PRR16: variants seen among roughly 807,000 people sequenced by gnomAD.
PRR16 encodes proline rich 16.
Under a neutral mutation model 18.2 loss-of-function variants are expected in PRR16, and 6 were observed. The observed-to-expected ratio is 0.33, with a 90% confidence interval of 0.18 to 0.65. The LOEUF (loss-of-function observed/expected upper bound fraction) is 0.65. PRR16 is among the 30% of genes least tolerant of loss of function. The pLI is 0.74. For synonymous variants in PRR16, 151 were observed against 147.8 expected, an observed-to-expected ratio of 1.02 and a Z score of -0.16; for missense variants, 412 against 376.6, an observed-to-expected ratio of 1.09 and a Z score of -0.78.
intron 1 of PRR16, among the ~76,000 whole-genome samples, chr5:120,607,928 A>T (rs755105331): frequency 3.3e-5 from 5 of 152,124 alleles, no homozygotes; most frequent in African/African-American, 4.8e-5. Flanking sequence ...CAAACCTTGT[A>T]TGTAGAGTTC....
intron 1 of PRR16, among the ~76,000 whole-genome samples, chr5:120,508,347 G>A (rs139406633): frequency 1.3e-5 from 2 of 152,218 alleles, no homozygotes; most frequent in East Asian, 3.9e-4. Context: ...AAAACTCTGT[G>A]TGCTGAAAAC....
the PRR16 span, among the ~76,000 whole-genome samples, chr5:120,764,952 T>A: frequency 6.6e-6 from 1 of 151,994 alleles, no homozygotes; most frequent in Non-Finnish European, 1.5e-5. Flanking sequence ...TGTTGATCAT[T>A]TCTCCTTTTT....
intron 1 of PRR16, among the ~76,000 whole-genome samples, chr5:120,594,604 C>A (rs1753742039): frequency 6.6e-6 from 1 of 152,016 alleles, no homozygotes; most frequent in African/African-American, 2.4e-5. Context: ...TAGAAAAAAA[C>A]TATTTTAAAA....
At chr5:120,500,070 T>C (rs1198530499) in intron 1 of PRR16, among the ~76,000 whole-genome samples, 7 of 152,190 alleles carry the variant, frequency 4.6e-5, no homozygotes, top group African/African-American at 7.2e-5. Context: ...GGTGCTTCTT[T>C]ACAGTTTCTT....
chr5:120,621,962 G>A (rs1307705705), intron 1 of PRR16, among the ~76,000 whole-genome samples: 2 of 152,102 alleles, frequency 1.3e-5, no homozygotes, highest in African/African-American at 2.4e-5. Context: ...TATTATTTCA[G>A]TTCCATTTCA....
intron 1 of PRR16, among the ~76,000 whole-genome samples, chr5:120,484,507 T>C (rs908663230): frequency 6.9e-6 from 1 of 145,320 alleles, no homozygotes; most frequent in African/African-American, 2.5e-5. Context: ...TATATAATTA[T>C]ATATTGTATA....
rs549883869 is a variant in PRR16 at position 120,594,461 on chromosome 5, G to A, written c.160-91493G>A. Reference sequence around the variant, plus strand: ...CTGCTGAAAAGAAATCAGAGATGTTGCAAACAAATAGAAAAACATCTGATG... The same window carrying A: ...CTGCTGAAAAGAAATCAGAGATGTTACAAACAAATAGAAAAACATCTGATG... On this transcript the variant is annotated intron_variant, in intron 1 of 1. Coordinates refer to ENST00000407149, the MANE Select transcript of PRR16 (RefSeq NM_001300783.2). 3.9e-5 allele frequency among the ~76,000 whole-genome samples: 6 copies of A among 152,082 alleles called. No individual in the cohort carries two copies. The East Asian group carries it at 1.2e-3, about 29-fold the overall frequency.
At chr5:120,723,068 AATC>A in the PRR16 span, among the ~76,000 whole-genome samples, 1 of 151,912 alleles carries the variant, frequency 6.6e-6, no homozygotes, top group African/African-American at 2.4e-5. Flanking sequence ...ACAATTTAAT[AATC>A]TATATAAATC....
the PRR16 span, among the ~76,000 whole-genome samples, chr5:120,732,926 A>C: frequency 6.6e-6 from 1 of 152,186 alleles, no homozygotes; most frequent in South Asian, 2.1e-4. Context: ...AAGAGATGAC[A>C]TGTCTGTTAG....
the PRR16 span, among the ~76,000 whole-genome samples, chr5:120,775,209 A>G: frequency 4.8e-3 from 727 of 150,710 alleles, 10 homozygotes; most frequent in African/African-American, 0.016. Flanking sequence ...TATATTACAT[A>G]TTATTTGTGA....
At chr5:120,606,455 A>C (rs1754157096) in intron 1 of PRR16, among the ~76,000 whole-genome samples, 1 of 152,144 alleles carries the variant, frequency 6.6e-6, no homozygotes, top group Non-Finnish European at 1.5e-5. Flanking sequence ...TTGACTTTTA[A>C]ATATATTTCT....
chr5:120,702,580 G>A, the PRR16 span, among the ~76,000 whole-genome samples: 1 of 152,158 alleles, frequency 6.6e-6, no homozygotes, highest in African/African-American at 2.4e-5. Context: ...AAACATGGGT[G>A]AATAATCAGA....
chr5:120,605,244 C>CA (rs1754117624), intron 1 of PRR16, among the ~76,000 whole-genome samples: 1 of 152,076 alleles, frequency 6.6e-6, no homozygotes, highest in Non-Finnish European at 1.5e-5. Context: ...TTGTTCATTT[C>CA]AAAAAATTTT....
At chr5:120,593,947 C>T (rs1010686003) in intron 1 of PRR16, among the ~76,000 whole-genome samples, 2 of 152,008 alleles carry the variant, frequency 1.3e-5, no homozygotes, top group African/African-American at 4.8e-5. Context: ...TGATAAAATA[C>T]AACATCTTTT....
At chr5:120,617,004 C>A in intron 1 of PRR16, 1 of 505,762 alleles carries the variant, frequency 2.0e-6, no homozygotes, top group Non-Finnish European at 2.6e-6. Flanking sequence ...CCCATCCATT[C>A]ATAACCTCCT....
the PRR16 span, among the ~76,000 whole-genome samples, chr5:120,717,974 C>A: frequency 3.3e-5 from 5 of 152,142 alleles, 1 homozygote; most frequent in South Asian, 1.0e-3. Context: ...CTGCTTTTTT[C>A]CCTCCTCAAT....
chr5:120,710,803 A>G, the PRR16 span: 1 of 152,240 alleles, frequency 6.6e-6, no homozygotes, highest in Non-Finnish European at 1.5e-5. Flanking sequence ...TACCTTGGAT[A>G]AACCTCAGTG....
chr5:120,464,628 G>A lies in PRR16; in HGVS notation c.142G>A (p.Ala48Thr). The A allele has an allele frequency of 5.7e-6, 9 of 1,568,064 alleles. No individual in the cohort carries two copies. Among genetic ancestry groups the A allele is most frequent in the Non-Finnish European group, 7.7e-6 (9 of 1,164,538 alleles). ...AGTCCTGGGCGACCTGAAGGACGTG[G>A]CCAAGGAACTTAAGGAGGTGAGAGG... ...ELVLGDLKDV[A>T]KELKEVVDQI... Residue 48 changes from alanine (A) to threonine (T), a missense_variant, in exon 1 of 2, where the codon GCC becomes ACC. Ala to Thr is a moderately conservative substitution (Grantham distance 58, BLOSUM62 0). Transcript: ENST00000407149.
rs1752150633 is a variant in PRR16 at position 120,548,633 on chromosome 5, A to G, written c.159+83988A>G. ...GGTCAGATGTTACTATTAGCCCTCA[A>G]GTTTTGTGCTTGTTCTTTTGTTGTC... is the stretch of plus-strand genomic sequence containing the variant. On this transcript the variant is annotated intron_variant, in intron 1 of 1. Transcript: ENST00000407149. Among the ~76,000 whole-genome samples, 4 of 151,952 alleles carry G rather than the reference A, an allele frequency of 2.6e-5. No homozygotes were observed. In the South Asian group the frequency reaches 6.2e-4, roughly 24 times the overall value.
Sources: gnomAD v4.1 joint callset for allele counts (sites outside exome capture counted in the v4.1 genomes callset) on GRCh38, gnomAD v4.1.1 for gene constraint, MANE v1.5 for transcripts, NCBI Gene and HGNC (gene_info 2026-07-23, HGNC 2026-07-21) for gene names.